The following GLP2R variants were observed in gnomAD, a reference collection of about 807,000 sequenced individuals.
The protein encoded by GLP2R is glucagon like peptide 2 receptor.
In GLP2R, 59 loss-of-function variants were observed where a neutral mutation model predicts 68.2. That is an observed-to-expected ratio of 0.87 (90% confidence interval 0.70 to 1.07). GLP2R has a LOEUF of 1.07. GLP2R is among the 50% of genes least tolerant of loss of function. The probability of loss-of-function intolerance (pLI) is 0.00; values close to 1 mark genes in which losing one functional copy is unlikely to be tolerated. For missense variants in GLP2R, 548 were observed against 677.4 expected (o/e 0.81, Z 2.12); for synonymous variants, 270 against 265.4 (o/e 1.02, Z -0.17).
chr17:9,839,021 G>T (rs1231860025), intron 3 of GLP2R, among the ~76,000 whole-genome samples: 1 of 152,228 alleles, frequency 6.6e-6, no homozygotes, highest in Admixed American at 6.5e-5. Context: ...ACTGAGGCTG[G>T]GGGCTGATGA....
chr17:9,872,123 C>T lies in GLP2R; in HGVS notation c.1145+1288C>T, dbSNP rs989701434. ...CTAAGAGTAGGAATTTCAGTCCACA[C>T]AGGAAGGCAGAAGAGGTGGGCACGA... On this transcript the variant is annotated intron_variant, in intron 10 of 12. Coordinates refer to ENST00000262441, the MANE Select transcript of GLP2R (RefSeq NM_004246.3). 1.3e-5 allele frequency among the ~76,000 whole-genome samples: 2 copies of T among 152,262 alleles called. 1 individual carries two copies. The highest frequency in any genetic ancestry group is 4.1e-4 in the South Asian group (2 of 4,836).
At chr17:9,888,165 G>T (rs920756447) in intron 12 of GLP2R, among the ~76,000 whole-genome samples, 192 bp downstream of exon 12, 4 of 152,324 alleles carry the variant, frequency 2.6e-5, no homozygotes, top group Non-Finnish European at 5.9e-5. Context: ...GAAAAAAGGT[G>T]TCGGGATGGG....
At chr17:9,843,815 G>A (rs987851111) in intron 4 of GLP2R, among the ~76,000 whole-genome samples, 2 of 152,212 alleles carry the variant, frequency 1.3e-5, no homozygotes, top group African/African-American at 4.8e-5. Context: ...CGATGGTCAG[G>A]CCACAAACAG....
intron 4 of GLP2R, chr17:9,853,197 T>G: frequency 2.6e-6 from 1 of 377,978 alleles, no homozygotes; most frequent in Non-Finnish European, 4.9e-6. Flanking sequence ...TGGTGTTCCT[T>G]TTCATCATTG....
chr17:9,845,735 A>ATGTGTGTG (rs1233491749), intron 4 of GLP2R, among the ~76,000 whole-genome samples: 1 of 125,894 alleles, frequency 7.9e-6, no homozygotes, highest in Non-Finnish European at 1.7e-5. Flanking sequence ...GGTTGGATTT[A>ATGTGTGTG]TGTGTGTGTG....
rs145225948 is a variant in GLP2R, at chr17:9,842,547, G to C, written c.435G>C (p.Thr145=). The stretch of plus-strand genomic sequence containing the variant: ...GCTTGGCTCAGGGGACTTGGCAGAC[G>C]ATAGAGAACGCCACGGATATTTGGC... ...RHCLAQGTWQ[T]IENATDIWQD... is the part of the protein sequence containing the mutation. Residue 145 remains threonine (T), a synonymous_variant, in exon 4 of 13, where the codon ACG becomes ACC. Transcript: ENST00000262441. 1 of 1,614,028 alleles carries C rather than the reference G, an allele frequency of 6.2e-7. No homozygotes were observed. The highest frequency in any genetic ancestry group is 1.7e-5 in the Admixed American group (1 of 60,020).
At chr17:9,879,389 C>A (rs1169974924) in intron 10 of GLP2R, among the ~76,000 whole-genome samples, 2 of 151,936 alleles carry the variant, frequency 1.3e-5, no homozygotes, top group African/African-American at 4.8e-5. Context: ...CCCAGCTTCT[C>A]TGGAGTCCGA....
intron 4 of GLP2R, among the ~76,000 whole-genome samples, chr17:9,853,886 A>G (rs1233565092): frequency 6.6e-6 from 1 of 152,238 alleles, no homozygotes; most frequent in African/African-American, 2.4e-5. Context: ...CCAGACAAAC[A>G]CATTACAAGA....
At position 9,880,394 on chromosome 17, in the gene GLP2R, C is replaced by T. The variant is rs774510280; in HGVS notation, c.1162C>T (p.Leu388=). The T allele has an allele frequency of 1.9e-6, 3 of 1,598,416 alleles. No homozygotes were observed. In the Admixed American group the frequency reaches 5.1e-5, roughly 27 times the overall value. Residue 388 remains leucine (L), a synonymous_variant, in exon 11 of 13, where the codon CTG becomes TTG. Coordinates refer to ENST00000262441, the MANE Select transcript of GLP2R (RefSeq NM_004246.3). ...CATTTACAGATTGGCAAAATCAACA[C>T]TGGTCCTCATTCCTTTATTGGGCGT... ...DYKYRLAKST[L]VLIPLLGVHE...
At chr17:9,835,505 TCAAATGGAGAGATATGG>T (rs1475667695) in intron 2 of GLP2R, among the ~76,000 whole-genome samples, 1 of 152,106 alleles carries the variant, frequency 6.6e-6, no homozygotes, top group East Asian at 1.9e-4. Flanking sequence ...GAATTAGTGC[TCAAATGGAGAGATATGG>T]CAAATGGAGA....
intron 9 of GLP2R, among the ~76,000 whole-genome samples, chr17:9,868,288 G>C (rs958927005): frequency 2.6e-5 from 4 of 152,172 alleles, no homozygotes; most frequent in Non-Finnish European, 4.4e-5. Context: ...CAGGCCAGAG[G>C]AGGAGGGGTT....
intron 10 of GLP2R, among the ~76,000 whole-genome samples, chr17:9,873,556 C>CTTTTTTT (rs3073988): frequency 0.013 from 674 of 52,048 alleles, 134 homozygotes; most frequent in African/African-American, 0.05. Flanking sequence ...TATGCATGGA[C>CTTTTTTT]TTTTTTTTTT....
chr17:9,884,461 T>C (rs1402843875), intron 11 of GLP2R, among the ~76,000 whole-genome samples: 1 of 152,200 alleles, frequency 6.6e-6, no homozygotes. Flanking sequence ...CACTATGCCA[T>C]AGTGCCTCTC....
At chr17:9,865,282 T>C (rs2067024269) in intron 9 of GLP2R, among the ~76,000 whole-genome samples, 2 of 151,718 alleles carry the variant, frequency 1.3e-5, no homozygotes, top group Admixed American at 1.3e-4. Flanking sequence ...CTTAATCCCT[T>C]GGTCTCTGCT....
At chr17:9,827,018 C>A (rs769273335) in intron 1 of GLP2R, among the ~76,000 whole-genome samples, 1 of 152,184 alleles carries the variant, frequency 6.6e-6, no homozygotes, top group East Asian at 1.9e-4. Flanking sequence ...ATTACAGGTA[C>A]GTGCCACCAC....
chr17:9,862,539 G>A (rs1249364754), intron 9 of GLP2R, among the ~76,000 whole-genome samples: 1 of 152,186 alleles, frequency 6.6e-6, no homozygotes, highest in Non-Finnish European at 1.5e-5. Flanking sequence ...ATGCAGCTTA[G>A]AATCAAGACA....
chr17:9,852,317 T>G (rs2066899220), intron 4 of GLP2R, among the ~76,000 whole-genome samples: 1 of 152,114 alleles, frequency 6.6e-6, no homozygotes, highest in African/African-American at 2.4e-5. Flanking sequence ...TGAGGACGTG[T>G]GGTATTTGGT....
chr17:9,836,039 C>CAAAAAAAAAAAAAAAAAAAAAAAAAAA (rs10706067), intron 2 of GLP2R, among the ~76,000 whole-genome samples: 1 of 87,206 alleles, frequency 1.1e-5, no homozygotes, highest in Non-Finnish European at 2.2e-5. Context: ...ACTCCATCTC[C>CAAAAAAAAAAAAAAAAAAAAAAAAAAA]AAAAAAAAAA....
rs764836045 is a variant in GLP2R, at chr17:9,842,580, C to T, written c.468C>T (p.Asp156=). The part of the protein sequence containing the change: ...IENATDIWQD[D]SECSENHSFK... The stretch of plus-strand genomic sequence containing the variant: ...ACGCCACGGATATTTGGCAGGATGA[C>T]TCCGAATGCTCCGAGAACCACAGCT... Residue 156 remains aspartate (D), a synonymous_variant, in exon 4 of 13, where the codon GAC becomes GAT. Coordinates refer to ENST00000262441, the MANE Select transcript of GLP2R (RefSeq NM_004246.3). 2 of 1,614,020 alleles carry T rather than the reference C, an allele frequency of 1.2e-6. No individual in the cohort carries two copies. The highest frequency in any genetic ancestry group is 2.2e-5 in the East Asian group (1 of 44,862).
Sources: gnomAD v4.1 joint callset for allele counts (sites outside exome capture counted in the v4.1 genomes callset) on GRCh38, gnomAD v4.1.1 for gene constraint, MANE v1.5 for transcripts, NCBI Gene and HGNC (gene_info 2026-07-23, HGNC 2026-07-21) for gene names.